CERS6: variants seen among roughly 807,000 people sequenced by gnomAD.
CERS6 encodes the protein LAG1 homolog, ceramide synthase 6.
A neutral mutation model predicts 56.8 loss-of-function variants in CERS6; 26 were observed. The observed-to-expected ratio is 0.46, with a 90% confidence interval of 0.34 to 0.63. The LOEUF (loss-of-function observed/expected upper bound fraction) is 0.63, where lower values mean the gene tolerates loss of function less well. Ranked by LOEUF, CERS6 falls within the 30% of genes least tolerant of loss-of-function variation. The pLI is 0.01. For synonymous variants in CERS6, 164 were observed against 173.3 expected, an observed-to-expected ratio of 0.95 and a Z score of 0.42; for missense variants, 415 against 467.5, an observed-to-expected ratio of 0.89 and a Z score of 1.04.
intron 9 of CERS6, among the ~76,000 whole-genome samples, chr2:168,766,772 C>T (rs1262341264): frequency 6.6e-6 from 1 of 152,200 alleles, no homozygotes; most frequent in Admixed American, 6.5e-5. Context: ...CCTGACCTGC[C>T]TGGGGCCATA....
intron 8 of CERS6, among the ~76,000 whole-genome samples, chr2:168,764,328 G>C (rs1361319676): frequency 1.3e-5 from 2 of 151,996 alleles, no homozygotes; most frequent in African/African-American, 4.8e-5. Flanking sequence ...ATTTTTAATA[G>C]AGACGGCGTT....
At chr2:168,586,337 C>T (rs1683541950) in intron 3 of CERS6, among the ~76,000 whole-genome samples, 1 of 151,994 alleles carries the variant, frequency 6.6e-6, no homozygotes, top group South Asian at 2.1e-4. Flanking sequence ...TTTCCTTTGC[C>T]CATTATAAAA....
At chr2:168,715,558 G>A (rs979258432) in intron 7 of CERS6, among the ~76,000 whole-genome samples, 1 of 152,028 alleles carries the variant, frequency 6.6e-6, no homozygotes, top group African/African-American at 2.4e-5. Flanking sequence ...TTTACCTAAG[G>A]TTTTTACAGT....
Position 168,770,704 on chromosome 2 carries a change from C to G in CERS6, c.*1042C>G, listed in dbSNP as rs1684841803. The G allele has an allele frequency of 1.3e-5, 2 of 152,640 alleles. No individual in the cohort carries two copies. Among genetic ancestry groups the G allele is most frequent in the South Asian group, 4.1e-4 (2 of 4,830 alleles). 9.5% of individuals were successfully genotyped at this position (152,640 alleles called of 1,614,324 possible). A position where few individuals can be genotyped will look rare whatever the true frequency, so the allele number is the denominator to read the frequency against. On this transcript the variant is annotated 3_prime_UTR_variant, in exon 10 of 10. Transcript: ENST00000305747. ...ACCAGCTTTCAAGAAAAAGCCCTAT[C>G]TAGTACTTGATGTTGATGTTTTTAT...
chr2:168,570,717 G>A (rs560192735), intron 3 of CERS6, among the ~76,000 whole-genome samples: 1 of 152,232 alleles, frequency 6.6e-6, no homozygotes, highest in East Asian at 1.9e-4. Context: ...AATCTACCTG[G>A]TTCATGGTCT....
chr2:168,597,035 A>T (rs990925503), intron 3 of CERS6, among the ~76,000 whole-genome samples: 1 of 152,158 alleles, frequency 6.6e-6, no homozygotes, highest in African/African-American at 2.4e-5. Context: ...ATTGGTGAAC[A>T]TTGAAGTCAA....
intron 3 of CERS6, among the ~76,000 whole-genome samples, chr2:168,591,901 C>T (rs1163271551): frequency 6.6e-6 from 1 of 152,178 alleles, no homozygotes; most frequent in Non-Finnish European, 1.5e-5. Flanking sequence ...GAGTGAATCT[C>T]CGCATGGACC....
At chr2:168,528,840 G>GT (rs1447774743) in intron 1 of CERS6, among the ~76,000 whole-genome samples, 5 of 152,168 alleles carry the variant, frequency 3.3e-5, no homozygotes, top group African/African-American at 1.2e-4. Flanking sequence ...TAAATCTTAG[G>GT]TAATAGTGAT....
At chr2:168,751,978 C>G (rs914140923) in intron 8 of CERS6, among the ~76,000 whole-genome samples, 3 of 152,138 alleles carry the variant, frequency 2.0e-5, no homozygotes, top group Non-Finnish European at 4.4e-5. Flanking sequence ...TCTGAGTCTC[C>G]TACAGTTATT....
At chr2:168,671,792 A>C (rs770968909) in intron 4 of CERS6, among the ~76,000 whole-genome samples, 1 of 152,214 alleles carries the variant, frequency 6.6e-6, no homozygotes, top group Non-Finnish European at 1.5e-5. Flanking sequence ...CACCCAGCTT[A>C]TATTATAAAA....
intron 4 of CERS6, among the ~76,000 whole-genome samples, chr2:168,648,705 A>G (rs1685266672): frequency 6.6e-6 from 1 of 152,140 alleles, no homozygotes; most frequent in Non-Finnish European, 1.5e-5. Flanking sequence ...AGTGTCTCAG[A>G]GATTCTGGTA....
At chr2:168,545,442 G>A (rs1695448610) in intron 1 of CERS6, among the ~76,000 whole-genome samples, 1 of 151,976 alleles carries the variant, frequency 6.6e-6, no homozygotes, top group African/African-American at 2.4e-5. Flanking sequence ...AAAGTGGTTT[G>A]AAGCTTAAAA....
intron 1 of CERS6, among the ~76,000 whole-genome samples, chr2:168,476,717 GGGA>G (rs1022571344): frequency 1.3e-5 from 2 of 152,000 alleles, no homozygotes; most frequent in Middle Eastern, 3.2e-3. Context: ...GTCCAGAGGC[GGGA>G]GGAGAAGAGT....
chr2:168,635,307 G>A (rs963016859), intron 4 of CERS6, among the ~76,000 whole-genome samples: 4 of 152,200 alleles, frequency 2.6e-5, no homozygotes, highest in African/African-American at 4.8e-5. Flanking sequence ...GCTTGGCTCT[G>A]GGAATGTGGA....
intron 4 of CERS6, among the ~76,000 whole-genome samples, chr2:168,637,864 T>C (rs1034578796): frequency 5.9e-5 from 9 of 152,276 alleles, no homozygotes; most frequent in African/African-American, 2.2e-4. Flanking sequence ...GAGGTTTTTT[T>C]CAATATATCT....
At chr2:168,696,466 A>G (rs969642058) in intron 6 of CERS6, among the ~76,000 whole-genome samples, 1 of 152,222 alleles carries the variant, frequency 6.6e-6, no homozygotes, top group Non-Finnish European at 1.5e-5. Context: ...CCTAAGAATT[A>G]TGTTTCTAAA....
chr2:168,600,053 A>G (rs986938248), intron 3 of CERS6, among the ~76,000 whole-genome samples: 6 of 152,106 alleles, frequency 3.9e-5, no homozygotes, highest in African/African-American at 1.4e-4. Context: ...TGTAACTTGC[A>G]CGCTGAAGGC....
intron 2 of CERS6, among the ~76,000 whole-genome samples, chr2:168,548,962 T>A (rs530811956): frequency 3.5e-4 from 54 of 152,268 alleles, no homozygotes; most frequent in Non-Finnish European, 6.0e-4. Context: ...TCTTACAGTA[T>A]TTAAAAGAAA....
chr2:168,565,126 T>C (rs1228903872), intron 3 of CERS6, among the ~76,000 whole-genome samples: 5 of 152,172 alleles, frequency 3.3e-5, no homozygotes, highest in Non-Finnish European at 5.9e-5. Flanking sequence ...GAGGAAAGAA[T>C]GGGATGGCAA....
Sources: allele counts gnomAD v4.1 joint callset (sites outside exome capture counted in the v4.1 genomes callset), GRCh38; gene constraint gnomAD v4.1.1; transcripts MANE v1.5; gene names NCBI Gene and HGNC (gene_info 2026-07-23, HGNC 2026-07-21).